Variants in SLC24A2 observed in about 807,000 individuals in gnomAD.
The protein encoded by SLC24A2 is solute carrier family 24 member 2, also known as sodium/potassium/calcium exchanger 2.
In SLC24A2, 36 loss-of-function variants were observed where a neutral mutation model predicts 62.0. The ratio of observed to expected loss-of-function variants is 0.58; its 90% CI spans 0.44 to 0.77. The LOEUF is 0.77. SLC24A2 is among the 30% of genes least tolerant of loss of function. SLC24A2 has a pLI of 0.00. For synonymous variants in SLC24A2, 358 were observed against 294.0 expected (o/e 1.22, Z -2.23); for missense variants, 846 against 817.9 (o/e 1.03, Z -0.42).
chr9:19,727,782 A>G lies in SLC24A2; in HGVS notation c.930+58155T>C, dbSNP rs182674318. Among the ~76,000 whole-genome samples, 433 of 152,324 alleles carry G rather than the reference A, an allele frequency of 2.8e-3. 2 individuals carry two copies. Among genetic ancestry groups the G allele is most frequent in the Middle Eastern group, 0.017 (5 of 294 alleles). ...TAGTAATTTACCTTACATCCCTCTC[A>G]GCAAAGGTCTGATCAGTTTTACATT... On this transcript the variant is annotated intron_variant, in intron 2 of 10. Coordinates refer to ENST00000341998, the MANE Select transcript of SLC24A2 (RefSeq NM_020344.4).
chr9:20,238,852 C>A, the SLC24A2 span, among the ~76,000 whole-genome samples: 2 of 152,298 alleles, frequency 1.3e-5, no homozygotes, highest in Non-Finnish European at 2.9e-5. Context: ...GAGGTGCTAA[C>A]TTAATAGAAC....
the SLC24A2 span, among the ~76,000 whole-genome samples, chr9:19,860,717 C>T: frequency 1.3e-4 from 20 of 152,202 alleles, no homozygotes; most frequent in South Asian, 3.3e-3. Context: ...GCACAGTCCC[C>T]GATGGGTGAG....
the SLC24A2 span, among the ~76,000 whole-genome samples, chr9:20,260,261 A>C: frequency 6.6e-6 from 1 of 152,190 alleles, no homozygotes; most frequent in African/African-American, 2.4e-5. Context: ...TCCATTGCCA[A>C]ATACTGGCAT....
chr9:20,004,846 A>C, the SLC24A2 span, among the ~76,000 whole-genome samples: 2 of 152,020 alleles, frequency 1.3e-5, no homozygotes. Flanking sequence ...TTCATAATTG[A>C]ACCTGAGTTG....
the SLC24A2 span, among the ~76,000 whole-genome samples, chr9:20,238,196 C>T: frequency 6.3e-4 from 96 of 152,274 alleles, no homozygotes; most frequent in African/African-American, 2.0e-3. Flanking sequence ...GATACTTTCA[C>T]GTGTTATTTC....
the SLC24A2 span, among the ~76,000 whole-genome samples, chr9:19,897,246 C>T: frequency 6.6e-6 from 1 of 152,058 alleles, no homozygotes; most frequent in Non-Finnish European, 1.5e-5. Context: ...GGAATGTGTC[C>T]TTTGTAAACA....
chr9:20,219,902 A>T, the SLC24A2 span, among the ~76,000 whole-genome samples: 1 of 152,166 alleles, frequency 6.6e-6, no homozygotes, highest in African/African-American at 2.4e-5. Flanking sequence ...AGTGCTCTTC[A>T]TATATCCAGC....
chr9:19,711,223 G>A (rs1387168843), intron 2 of SLC24A2, among the ~76,000 whole-genome samples: 1 of 152,198 alleles, frequency 6.6e-6, no homozygotes, highest in Non-Finnish European at 1.5e-5. Context: ...AACATGCAGT[G>A]GATTCTTCCA....
the SLC24A2 span, among the ~76,000 whole-genome samples, chr9:19,902,896 C>T: frequency 6.6e-6 from 1 of 152,118 alleles, no homozygotes; most frequent in Admixed American, 6.5e-5. Flanking sequence ...GTTTTATTTC[C>T]TCCCTAAATC....
intron 2 of SLC24A2, among the ~76,000 whole-genome samples, chr9:19,751,348 A>G (rs1821977096): frequency 1.3e-5 from 2 of 152,202 alleles, no homozygotes; most frequent in South Asian, 4.1e-4. Context: ...AGTACTATAT[A>G]GTTAGTAAAC....
At chr9:20,163,232 C>G in the SLC24A2 span, among the ~76,000 whole-genome samples, 2 of 152,098 alleles carry the variant, frequency 1.3e-5, no homozygotes, top group African/African-American at 4.8e-5. Context: ...CTAGAAAACC[C>G]CATCGTCTCA....
the SLC24A2 span, among the ~76,000 whole-genome samples, chr9:19,964,153 G>A: frequency 1.4e-5 from 2 of 142,018 alleles, no homozygotes; most frequent in South Asian, 4.5e-4. Flanking sequence ...CTCATTCATA[G>A]ATGAGAATTG....
intron 2 of SLC24A2, among the ~76,000 whole-genome samples, chr9:19,720,185 T>A (rs554430490): frequency 5.3e-5 from 8 of 152,346 alleles, no homozygotes; most frequent in African/African-American, 1.9e-4. Flanking sequence ...CTTTCTTTGC[T>A]ATATTGCCTT....
chr9:19,945,196 C>T, the SLC24A2 span, among the ~76,000 whole-genome samples: 1 of 152,108 alleles, frequency 6.6e-6, no homozygotes, highest in Non-Finnish European at 1.5e-5. Context: ...TTTCCTGAAT[C>T]AGGGACAAGA....
At chr9:19,889,515 T>G in the SLC24A2 span, among the ~76,000 whole-genome samples, 3 of 152,100 alleles carry the variant, frequency 2.0e-5, no homozygotes, top group Non-Finnish European at 4.4e-5. Flanking sequence ...CACCAAAACT[T>G]CCTCCTGAGA....
chr9:20,292,555 C>G, the SLC24A2 span, among the ~76,000 whole-genome samples: 1 of 152,234 alleles, frequency 6.6e-6, no homozygotes, highest in Admixed American at 6.5e-5. Context: ...CAAAGTACCA[C>G]AAACTGGGTG....
the SLC24A2 span, among the ~76,000 whole-genome samples, chr9:20,201,252 G>C: frequency 6.6e-6 from 1 of 152,220 alleles, no homozygotes; most frequent in Non-Finnish European, 1.5e-5. Context: ...TAATCCCACT[G>C]CATTTGTCAT....
At chr9:19,909,819 A>G in the SLC24A2 span, among the ~76,000 whole-genome samples, 1 of 152,094 alleles carries the variant, frequency 6.6e-6, no homozygotes, top group African/African-American at 2.4e-5. Context: ...GTTATGCCAG[A>G]GTGGTGTATA....
the SLC24A2 span, among the ~76,000 whole-genome samples, chr9:19,949,513 A>C: frequency 1.3e-5 from 2 of 152,212 alleles, no homozygotes; most frequent in African/African-American, 4.8e-5. Context: ...TTGCCTCACC[A>C]ATCTATATTC....
Sources: gnomAD v4.1 joint callset for allele counts (sites outside exome capture counted in the v4.1 genomes callset) on GRCh38, gnomAD v4.1.1 for gene constraint, MANE v1.5 for transcripts, NCBI Gene and HGNC (gene_info 2026-07-23, HGNC 2026-07-21) for gene names.